SRRD: variants seen among roughly 807,000 people sequenced by gnomAD.
SRRD encodes SRR1-like protein.
A neutral mutation model predicts 30.7 loss-of-function variants in SRRD; 28 were observed. The observed-to-expected ratio is 0.91, with a 90% confidence interval of 0.68 to 1.25. SRRD has a LOEUF of 1.25. Ranked by LOEUF, SRRD falls within the 50% of genes most tolerant of loss-of-function variation. The pLI, the probability that SRRD is intolerant of heterozygous loss-of-function variation, is 0.00. For synonymous variants in SRRD, 161 were observed against 159.6 expected, an observed-to-expected ratio of 1.01 and a Z score of -0.07; for missense variants, 415 against 417.3, an observed-to-expected ratio of 0.99 and a Z score of 0.05.
chr22:26,486,144 G>C, intron 2 of SRRD, 81 bp downstream of exon 2: 1 of 1,581,210 alleles, frequency 6.3e-7, no homozygotes, highest in Non-Finnish European at 8.7e-7. Flanking sequence ...TTGCTTCACA[G>C]AGGGATAACT....
Position 26,483,897 on chromosome 22 carries a change from GC to G in SRRD, c.8del (p.Ala3GlyfsTer81), listed in dbSNP as rs2091600929. 4 of 1,347,884 alleles carry G rather than the reference GC, an allele frequency of 3.0e-6. No individual in the cohort carries two copies. The East Asian group carries it at 1.2e-4, about 42-fold the overall frequency. The allele number at this position is 1,347,884 out of a possible 1,614,324, so 83.5% of individuals were successfully genotyped here. A position where few individuals can be genotyped will look rare whatever the true frequency, so the allele number is the denominator to read the frequency against. On this transcript the variant is annotated frameshift_variant, in exon 1 of 7. Transcript: ENST00000215917. LOFTEE classifies it high-confidence loss of function. MA[A>X]AAAAALESWQ... Reference sequence around the variant, plus strand: ...CCGCTGACGTCAGAGACCAATGGCTGCGGCCGCAGCTGCGGCGCTGGAATCC... The same window carrying G: ...CCGCTGACGTCAGAGACCAATGGCTGGGCCGCAGCTGCGGCGCTGGAATCC...
At chr22:26,491,267 T>G in intron 6 of SRRD, 196 bp from the exon 7 acceptor site, 2 of 727,524 alleles carry the variant, frequency 2.7e-6, no homozygotes, top group Non-Finnish European at 4.5e-6. Context: ...TCCTTTATTC[T>G]TAGTATCACA....
rs371455445 is a variant in SRRD at position 26,492,344 on chromosome 22, C to T, written c.*672C>T. 5.6e-6 allele frequency: 9 copies of T among 1,614,112 alleles called. No homozygotes were observed. The highest frequency in any genetic ancestry group is 3.3e-5 in the Admixed American group (2 of 60,026). On this transcript the variant is annotated 3_prime_UTR_variant, in exon 7 of 7. Transcript: ENST00000215917. ...GTGGGTGAGATAGGCAATGTTCTCC[C>T]GTGCTCCTGGCTGCATGTAGGCACC...
chr22:26,485,304 C>A (rs1196809594), intron 1 of SRRD, among the ~76,000 whole-genome samples: 1 of 152,206 alleles, frequency 6.6e-6, no homozygotes, highest in Non-Finnish European at 1.5e-5. Context: ...ATAAAGCATT[C>A]CTGTGTACAT....
intron 1 of SRRD, among the ~76,000 whole-genome samples, chr22:26,485,367 C>G (rs1368551203): frequency 1.3e-5 from 2 of 152,240 alleles, no homozygotes; most frequent in African/African-American, 4.8e-5. Flanking sequence ...GGCCGACTTT[C>G]AATTCTCTGT....
intron 4 of SRRD, 140 bp downstream of exon 4, chr22:26,488,628 C>T (rs1005720131): frequency 2.8e-5 from 19 of 667,858 alleles, no homozygotes; most frequent in South Asian, 5.5e-5. Context: ...AGTGCCTGAA[C>T]GATGTAACCA....
chr22:26,492,610 T>G lies in SRRD; in HGVS notation c.*938T>G. The G allele has an allele frequency of 2.0e-6, 1 of 506,720 alleles. No individual in the cohort carries two copies. Among genetic ancestry groups the G allele is most frequent in the Non-Finnish European group, 3.6e-6 (1 of 279,732 alleles). The allele number at this position is 506,720 out of a possible 1,614,324, so 31.4% of individuals were successfully genotyped here. ...ATTATTAATATTCAACATTTTAAAA[T>G]GAAGTATCTGCAAGGGATTTCTTCC... On this transcript the variant is annotated 3_prime_UTR_variant, in exon 7 of 7. Transcript: ENST00000215917.
At position 26,488,474 on chromosome 22, in the gene SRRD, CTCAG is replaced by C; in HGVS notation, c.597_600del (p.Ser200ArgfsTer36). 6.2e-7 allele frequency: 1 copy of C among 1,613,838 alleles called. No individual in the cohort carries two copies. Among genetic ancestry groups the C allele is most frequent in the Non-Finnish European group, 8.5e-7 (1 of 1,179,680 alleles). On this transcript the variant is annotated frameshift_variant, in exon 4 of 7. Coordinates refer to ENST00000215917, the MANE Select transcript of SRRD (RefSeq NM_001013694.3). LOFTEE classifies it high-confidence loss of function. ...CCTTAACACCCTTGGTGTGACTGTTCTCAGTGAGAACGAGGTAAGTGGTTTAAAG... is the reference window on the plus strand; with the variant it reads ...CCTTAACACCCTTGGTGTGACTGTTCTGAGAACGAGGTAAGTGGTTTAAAG...
chr22:26,489,329 A>G (rs780825774), intron 4 of SRRD, among the ~76,000 whole-genome samples: 6 of 152,198 alleles, frequency 3.9e-5, no homozygotes, highest in African/African-American at 9.6e-5. Flanking sequence ...TGAATGAGGA[A>G]TGAAATACTG....
rs1277097266 is a variant in SRRD at position 26,491,665 on chromosome 22, C to T, written c.1013C>T (p.Thr338Ile). 1.2e-6 allele frequency: 2 copies of T among 1,609,660 alleles called. No individual in the cohort carries two copies. The highest frequency in any genetic ancestry group is 1.7e-6 in the Non-Finnish European group (2 of 1,179,926). Residue 338 changes from threonine to isoleucine, a missense_variant, in exon 7 of 7, where the codon ACT (threonine) becomes ATT (isoleucine). By Grantham distance (89) the Thr-to-Ile change is moderately conservative. Coordinates refer to ENST00000215917, the MANE Select transcript of SRRD (RefSeq NM_001013694.3). Reference protein sequence around the residue: ...IRNKREDPSATD With the variant: ...IRNKREDPSAID ...AACAAGAGAGAAGATCCTTCTGCTA[C>T]TGACTGAACTCGTTGTGAGGTACTC...
chr22:26,491,945 A>T lies in SRRD; in HGVS notation c.*273A>T. 7.1e-7 allele frequency: 1 copy of T among 1,415,524 alleles called. No individual in the cohort carries two copies. The highest frequency in any genetic ancestry group is 9.6e-7 in the Non-Finnish European group (1 of 1,038,806). The allele number at this position is 1,415,524 out of a possible 1,614,324, so 87.7% of individuals were successfully genotyped here. Reference sequence around the variant, plus strand: ...GTTACCCTTTTGAAGGTGATCTAAAAATACTGTTTATTTACAGTACATCCC... The same window carrying T: ...GTTACCCTTTTGAAGGTGATCTAAATATACTGTTTATTTACAGTACATCCC... On this transcript the variant is annotated 3_prime_UTR_variant, in exon 7 of 7. Coordinates refer to ENST00000215917, the MANE Select transcript of SRRD (RefSeq NM_001013694.3).
chr22:26,490,136 G>T lies in SRRD; in HGVS notation c.702G>T (p.Trp234Cys). 6.2e-7 allele frequency: 1 copy of T among 1,614,118 alleles called. No individual in the cohort carries two copies. The highest frequency in any genetic ancestry group is 8.5e-7 in the Non-Finnish European group (1 of 1,180,022). Residue 234 changes from tryptophan (W) to cysteine (C), a missense_variant, in exon 5 of 7, where the codon TGG becomes TGT. Coordinates refer to ENST00000215917, the MANE Select transcript of SRRD (RefSeq NM_001013694.3). ...ALYNNLLWSN[W>C]SVDALSKMVI... ...ACAACAATCTTTTATGGAGTAACTGGTCAGTAGATGCCCTTTCTAAGATGG... is the reference window on the plus strand; with the variant it reads ...ACAACAATCTTTTATGGAGTAACTGTTCAGTAGATGCCCTTTCTAAGATGG...
chr22:26,490,124 A>T lies in SRRD; in HGVS notation c.690A>T (p.Leu230Phe). The T allele has an allele frequency of 1.2e-6, 2 of 1,614,120 alleles. No individual in the cohort carries two copies. The highest frequency in any genetic ancestry group is 2.2e-5 in the South Asian group (2 of 91,074). ...GGACGGCCTTGTACAACAATCTTTTATGGAGTAACTGGTCAGTAGATGCCC... is the reference window on the plus strand; with the variant it reads ...GGACGGCCTTGTACAACAATCTTTTTTGGAGTAACTGGTCAGTAGATGCCC... The part of the protein sequence containing the change: ...HCGTALYNNL[L>F]WSNWSVDALS... Residue 230 changes from leucine to phenylalanine, a missense_variant, in exon 5 of 7, where the codon TTA becomes TTT. By Grantham distance (22) the Leu-to-Phe change is conservative (BLOSUM62 0). Transcript: ENST00000215917.
Position 26,494,217 on chromosome 22 carries a change from C to G in SRRD, c.*2545C>G. ...TCCTTGACAGATGGATGTGCCAGCA[C>G]TTGGTCTGAGAACATCGACTTCCAA... On this transcript the variant is annotated 3_prime_UTR_variant, in exon 7 of 7. Transcript: ENST00000215917. 6.2e-7 allele frequency: 1 copy of G among 1,614,248 alleles called. No individual in the cohort carries two copies.
chr22:26,490,115 C>T lies in SRRD; in HGVS notation c.681C>T (p.Asn227=), dbSNP rs749720491. ...TCCATTGTGGGACGGCCTTGTACAA[C>T]AATCTTTTATGGAGTAACTGGTCAG... ...YMLHCGTALY[N]NLLWSNWSVD... Residue 227 remains asparagine, a synonymous_variant, in exon 5 of 7, where the codon AAC becomes AAT. Coordinates refer to ENST00000215917, the MANE Select transcript of SRRD (RefSeq NM_001013694.3). The T allele has an allele frequency of 1.9e-6, 3 of 1,614,008 alleles. No individual in the cohort carries two copies. In the African/African-American group the frequency reaches 4.0e-5, roughly 22 times the overall value.
In SRRD at chr22:26,494,521, G is replaced by T; in HGVS notation, c.*2849G>T. The T allele has an allele frequency of 1.4e-6, 1 of 706,854 alleles. No individual in the cohort carries two copies. The highest frequency in any genetic ancestry group is 2.3e-6 in the Non-Finnish European group (1 of 430,406). The allele number at this position is 706,854 out of a possible 1,614,324, so 43.8% of individuals were successfully genotyped here. ...TTGCATGTAAACTCTCTGAGCCTCAGCTTCCATGTCTACACAACAGGGATA... is the reference window on the plus strand; with the variant it reads ...TTGCATGTAAACTCTCTGAGCCTCATCTTCCATGTCTACACAACAGGGATA... On this transcript the variant is annotated 3_prime_UTR_variant, in exon 7 of 7. Transcript: ENST00000215917.
At chr22:26,490,944 T>C in intron 5 of SRRD, 81 bp from the exon 6 acceptor site, 1 of 1,338,536 alleles carries the variant, frequency 7.5e-7, no homozygotes. Context: ...TCTATGTGTC[T>C]TAAAAGTTGA....
chr22:26,491,056 C>A lies in SRRD; in HGVS notation c.796C>A (p.Pro266Thr), dbSNP rs970826696. 1.3e-5 allele frequency: 21 copies of A among 1,611,206 alleles called. No individual in the cohort carries two copies. The highest frequency in any genetic ancestry group is 1.8e-5 in the Non-Finnish European group (21 of 1,179,184). ...LLARILQKNY[P>T]YIAKILKGLE... ...GGCAAGGATTCTGCAGAAAAATTAT[C>A]CCTACATTGCAAAGGTATCTATCTG... Residue 266 changes from proline to threonine, a missense_variant, in exon 6 of 7, where the codon CCC becomes ACC. Transcript: ENST00000215917.
Position 26,488,470 on chromosome 22 carries a change from T to A in SRRD, c.591T>A (p.Thr197=). The change falls in exon 4 of 7, where the codon ACT becomes ACA. Residue 197 remains threonine (T), a synonymous_variant. Transcript: ENST00000215917. ...EIEVLNTLGV[T]VLSENEEGKR... is the part of the protein sequence containing the mutation. Reference sequence around the variant, plus strand: ...AAGTCCTTAACACCCTTGGTGTGACTGTTCTCAGTGAGAACGAGGTAAGTG... The same window carrying A: ...AAGTCCTTAACACCCTTGGTGTGACAGTTCTCAGTGAGAACGAGGTAAGTG... The A allele has an allele frequency of 1.2e-6, 2 of 1,613,814 alleles. No homozygotes were observed. The highest frequency in any genetic ancestry group is 1.7e-6 in the Non-Finnish European group (2 of 1,179,642).
Sources: gnomAD v4.1 joint callset for allele counts (sites outside exome capture counted in the v4.1 genomes callset) on GRCh38, gnomAD v4.1.1 for gene constraint, MANE v1.5 for transcripts, NCBI Gene and HGNC (gene_info 2026-07-23, HGNC 2026-07-21) for gene names.